Variants in ITGB8 observed in about 807,000 individuals in gnomAD.
ITGB8 encodes integrin subunit beta 8, also known as integrin beta-8.
In ITGB8, 30 loss-of-function variants were observed where a neutral mutation model predicts 89.5. That is an observed-to-expected ratio of 0.34 (90% CI 0.25 to 0.45). ITGB8 has a LOEUF of 0.45. Among genes scored for constraint, ITGB8 ranks in the 20% least tolerant of loss-of-function variants. ITGB8 has a pLI of 1.00. For missense variants in ITGB8, 836 were observed against 933.3 expected (o/e 0.90, Z 1.36); for synonymous variants, 335 against 320.4 (o/e 1.05, Z -0.49).
rs200150010 is a variant in ITGB8, at chr7:20,394,951, C to A, written c.1112C>A (p.Ala371Glu). The A allele has an allele frequency of 6.2e-7, 1 of 1,613,252 alleles. No homozygotes were observed. The highest frequency in any genetic ancestry group is 1.1e-5 in the South Asian group (1 of 91,058). ...TIAGEIESKA[A>E]NLNNLVVEAY... ...GCTGGTGAAATAGAATCAAAGGCTGCAAACCTCAATAATTTGGTAGTGGAA... is the reference window on the plus strand; with the variant it reads ...GCTGGTGAAATAGAATCAAAGGCTGAAAACCTCAATAATTTGGTAGTGGAA... The change falls in exon 8 of 14, where the codon GCA (alanine) becomes GAA (glutamate). Residue 371 changes from alanine (A) to glutamate (E), a missense_variant. Around this residue, in one of 5 missense-constraint regions of ITGB8, gnomAD observed 192 missense variants for 267.1 expected, o/e 0.72. Coordinates refer to ENST00000222573, the MANE Select transcript of ITGB8 (RefSeq NM_002214.3).
At chr7:20,408,503 C>T (rs1787636777) in intron 12 of ITGB8, among the ~76,000 whole-genome samples, 1 of 152,058 alleles carries the variant, frequency 6.6e-6, no homozygotes, top group Non-Finnish European at 1.5e-5. Context: ...TGACCCAAAT[C>T]ACCCAGGATT....
chr7:20,362,671 T>C (rs1279683031), intron 1 of ITGB8, among the ~76,000 whole-genome samples: 1 of 152,214 alleles, frequency 6.6e-6, no homozygotes, highest in East Asian at 1.9e-4. Context: ...ATGTCCCTTT[T>C]GTTTACTTTG....
intron 1 of ITGB8, among the ~76,000 whole-genome samples, chr7:20,332,846 G>A (rs1238629987): frequency 1.3e-5 from 2 of 151,858 alleles, no homozygotes; most frequent in Admixed American, 1.3e-4. Flanking sequence ...CGAATCATGA[G>A]TTTAGGATGA....
At chr7:20,333,067 ATACTT>A (rs1784463604) in intron 1 of ITGB8, among the ~76,000 whole-genome samples, 1 of 152,080 alleles carries the variant, frequency 6.6e-6, no homozygotes, top group African/African-American at 2.4e-5. Flanking sequence ...ATTTACTCCT[ATACTT>A]TAAAGTGTCA....
chr7:20,386,272 T>C (rs747613694), intron 6 of ITGB8, among the ~76,000 whole-genome samples: 3 of 150,332 alleles, frequency 2.0e-5, no homozygotes, highest in Non-Finnish European at 4.4e-5. Context: ...GGAATCTCAC[T>C]GTGTCGCCCA....
Position 20,367,202 on chromosome 7 carries a change from A to G in ITGB8, c.388+16A>G, listed in dbSNP as rs1424252172. 2 of 1,563,248 alleles carry G rather than the reference A, an allele frequency of 1.3e-6. No individual in the cohort carries two copies. Among genetic ancestry groups the G allele is most frequent in the Admixed American group, 1.8e-5 (1 of 55,682 alleles). On this transcript the variant is annotated intron_variant, in intron 3 of 13. Transcript: ENST00000222573. ...CTGCGTCCAGGTTTGGTCATTTTCA[A>G]ATAAATCTATAATGATTCTTAACTT...
At position 20,331,410 on chromosome 7, in the gene ITGB8, G is replaced by A; in HGVS notation, c.-397G>A. 2 of 401,442 alleles carry A rather than the reference G, an allele frequency of 5.0e-6. No individual in the cohort carries two copies. The highest frequency in any genetic ancestry group is 6.3e-4 in the Middle Eastern group (1 of 1,594). 24.9% of individuals were successfully genotyped at this position (401,442 alleles called of 1,614,324 possible). ...TCGGGCTTTGTTTGGGTTTGATTGT[G>A]TTTGGCTCTTCGCTAAGCTGATTTA... On this transcript the variant is annotated 5_prime_UTR_variant, in exon 1 of 14. Coordinates refer to ENST00000222573, the MANE Select transcript of ITGB8 (RefSeq NM_002214.3).
At chr7:20,386,132 T>C (rs921160520) in intron 6 of ITGB8, among the ~76,000 whole-genome samples, 1 of 152,236 alleles carries the variant, frequency 6.6e-6, no homozygotes, top group Non-Finnish European at 1.5e-5. Context: ...TTTAAGTCCA[T>C]GTGCAGCTTT....
At chr7:20,348,500 T>TC (rs1184906329) in intron 1 of ITGB8, among the ~76,000 whole-genome samples, 5 of 152,232 alleles carry the variant, frequency 3.3e-5, no homozygotes, top group Admixed American at 6.5e-5. Flanking sequence ...CTTTGGTTTT[T>TC]CATATCTAAG....
intron 8 of ITGB8, among the ~76,000 whole-genome samples, chr7:20,397,678 A>T (rs1403589304): frequency 6.6e-6 from 1 of 152,228 alleles, no homozygotes; most frequent in Non-Finnish European, 1.5e-5. Context: ...TATACAATTA[A>T]TTGTTGCAGT....
At chr7:20,400,292 T>G (rs1787254982) in intron 9 of ITGB8, among the ~76,000 whole-genome samples, 2 of 152,172 alleles carry the variant, frequency 1.3e-5, no homozygotes, top group Non-Finnish European at 2.9e-5. Flanking sequence ...CTCTCAGGAA[T>G]AGTCATATGA....
chr7:20,359,139 TC>T (rs1164984694), intron 1 of ITGB8, among the ~76,000 whole-genome samples: 6 of 152,222 alleles, frequency 3.9e-5, no homozygotes, highest in African/African-American at 1.4e-4. Flanking sequence ...TGATTCCATG[TC>T]TTTGCTATCG....
intron 4 of ITGB8, 80 bp from the exon 5 acceptor site, chr7:20,380,586 C>G (rs1055244762): frequency 6.0e-6 from 7 of 1,162,728 alleles, no homozygotes; most frequent in South Asian, 1.3e-5. Flanking sequence ...TTTCACACAA[C>G]TGTACAATTT....
At chr7:20,351,391 T>TC (rs2128131714) in intron 1 of ITGB8, among the ~76,000 whole-genome samples, 1 of 152,328 alleles carries the variant, frequency 6.6e-6, no homozygotes, top group African/African-American at 2.4e-5. Flanking sequence ...AGACTTAGCC[T>TC]CCCTAAGCTG....
At chr7:20,331,967 T>G in intron 1 of ITGB8, 34 bp downstream of exon 1, 1 of 1,608,276 alleles carries the variant, frequency 6.2e-7, no homozygotes, top group Non-Finnish European at 8.5e-7. Flanking sequence ...TTTTCTTCTC[T>G]TCCCCAAAGG....
At chr7:20,358,746 A>C (rs1347295587) in intron 1 of ITGB8, among the ~76,000 whole-genome samples, 1 of 152,112 alleles carries the variant, frequency 6.6e-6, no homozygotes, top group South Asian at 2.1e-4. Context: ...CAGAGTGTAC[A>C]TGTGCAGGTT....
intron 1 of ITGB8, among the ~76,000 whole-genome samples, chr7:20,360,014 G>A (rs1785439055): frequency 6.6e-6 from 1 of 152,046 alleles, no homozygotes; most frequent in South Asian, 2.1e-4. Flanking sequence ...CTTTTTTCCT[G>A]TAGCTATGTA....
chr7:20,341,456 T>G (rs1784752430), intron 1 of ITGB8, among the ~76,000 whole-genome samples: 1 of 152,166 alleles, frequency 6.6e-6, no homozygotes, highest in African/African-American at 2.4e-5. Flanking sequence ...ACGTATATAA[T>G]CAGAGAGCCT....
intron 6 of ITGB8, among the ~76,000 whole-genome samples, chr7:20,383,552 CAAT>C (rs1414409688): frequency 6.6e-6 from 1 of 152,086 alleles, no homozygotes; most frequent in Non-Finnish European, 1.5e-5. Flanking sequence ...AAGAAAATAA[CAAT>C]GACATTATTC....
Sources: gnomAD v4.1 joint callset for allele counts (sites outside exome capture counted in the v4.1 genomes callset) on GRCh38, gnomAD v4.1.1 for gene constraint, gnomAD v4.1.1 regional missense constraint, MANE v1.5 for transcripts, NCBI Gene and HGNC (gene_info 2026-07-23, HGNC 2026-07-21) for gene names.